NRG3: variants seen among roughly 807,000 people sequenced by gnomAD.
NRG3 encodes the protein pro-neuregulin-3, membrane-bound isoform.
Under a neutral mutation model 66.9 loss-of-function variants are expected in NRG3, and 31 were observed. The observed-to-expected ratio is 0.46, with a 90% CI of 0.35 to 0.63. The LOEUF (loss-of-function observed/expected upper bound fraction) is 0.63. NRG3 is among the 20% of genes least tolerant of loss of function. The pLI is 0.00. For synonymous variants in NRG3, 393 were observed against 359.4 expected (o/e 1.09, Z -1.06); for missense variants, 910 against 878.9 (o/e 1.04, Z -0.45).
At chr10:81,979,937 C>T (rs1344464889) in intron 1 of NRG3, among the ~76,000 whole-genome samples, 1 of 152,076 alleles carries the variant, frequency 6.6e-6, no homozygotes, top group African/African-American at 2.4e-5. Flanking sequence ...AATATAGGAA[C>T]AAAAAATCAA....
intron 3 of NRG3, among the ~76,000 whole-genome samples, chr10:82,794,736 A>G (rs2060724582): frequency 6.6e-6 from 1 of 152,226 alleles, no homozygotes; most frequent in Middle Eastern, 3.4e-3. Flanking sequence ...GGGCTTAGAG[A>G]TGAATTTTAA....
At chr10:81,999,983 A>G (rs1405217472) in intron 1 of NRG3, among the ~76,000 whole-genome samples, 1 of 152,176 alleles carries the variant, frequency 6.6e-6, no homozygotes, top group Non-Finnish European at 1.5e-5. Context: ...TCTAAATGAT[A>G]CATTTTGGGA....
intron 2 of NRG3, among the ~76,000 whole-genome samples, chr10:82,391,484 A>T (rs2086360692): frequency 6.6e-6 from 1 of 152,182 alleles, no homozygotes; most frequent in Non-Finnish European, 1.5e-5. Context: ...GTTGCAACTT[A>T]GTGAAGCTAC....
chr10:82,457,095 T>A (rs566378757), intron 2 of NRG3, among the ~76,000 whole-genome samples: 143 of 152,136 alleles, frequency 9.4e-4, no homozygotes, highest in Non-Finnish European at 1.7e-3. Context: ...AAATAAAAAC[T>A]TCCATGCATC....
Position 82,957,346 on chromosome 10 carries a change from T to C in NRG3, c.1158-1603T>C, listed in dbSNP as rs915273141. Among the ~76,000 whole-genome samples the C allele has an allele frequency of 1.2e-4, 18 of 151,892 alleles. 1 individual carries two copies. The highest frequency in any genetic ancestry group is 4.4e-4 in the African/African-American group (18 of 41,148). On this transcript the variant is annotated intron_variant, in intron 5 of 8. Coordinates refer to ENST00000372141, the MANE Select transcript of NRG3 (RefSeq NM_001010848.4). ...CCCTGTGATACAATAAGCCACGCTCTGTAGGGTGCTACTGACTGGAGAAGC... is the reference window on the plus strand; with the variant it reads ...CCCTGTGATACAATAAGCCACGCTCCGTAGGGTGCTACTGACTGGAGAAGC...
rs1265879766 is a variant in NRG3 at position 81,883,358 on chromosome 10, G to A, written c.823+7195G>A. ...AAAGTATTACTTTTTGTTGTTATAAGCTTTTATTTCTCAAGACAGGTTGGT... is the reference window on the plus strand; with the variant it reads ...AAAGTATTACTTTTTGTTGTTATAAACTTTTATTTCTCAAGACAGGTTGGT... On this transcript the variant is annotated intron_variant, in intron 1 of 8. Coordinates refer to ENST00000372141, the MANE Select transcript of NRG3 (RefSeq NM_001010848.4). Among the ~76,000 whole-genome samples the A allele has an allele frequency of 2.6e-5, 4 of 152,064 alleles. No individual in the cohort carries two copies. The East Asian group carries it at 5.8e-4, about 22-fold the overall frequency.
chr10:81,935,919 A>ACACACACACACACACACACAC (rs1192033295), intron 1 of NRG3, among the ~76,000 whole-genome samples: 3 of 146,648 alleles, frequency 2.0e-5, no homozygotes, highest in African/African-American at 7.8e-5. Flanking sequence ...ACACACACAC[A>ACACACACACACACACACACAC]CACACAGTTT....
chr10:82,036,007 A>T (rs2062775979), intron 1 of NRG3, among the ~76,000 whole-genome samples: 1 of 152,094 alleles, frequency 6.6e-6, no homozygotes, highest in Non-Finnish European at 1.5e-5. Flanking sequence ...GCTGTTTCAC[A>T]TGTGTAAATA....
chr10:82,474,624 G>A (rs1189375762), intron 2 of NRG3, among the ~76,000 whole-genome samples: 1 of 152,110 alleles, frequency 6.6e-6, no homozygotes, highest in Non-Finnish European at 1.5e-5. Context: ...GGATGTGTGG[G>A]CCATTACCAA....
intron 4 of NRG3, among the ~76,000 whole-genome samples, chr10:82,912,836 T>G (rs973491310): frequency 7.9e-5 from 12 of 152,212 alleles, no homozygotes; most frequent in African/African-American, 2.9e-4. Context: ...TCTAGATATA[T>G]TTTGTTAGTG....
intron 1 of NRG3, among the ~76,000 whole-genome samples, chr10:82,227,755 A>G (rs2076241484): frequency 6.6e-6 from 1 of 152,186 alleles, no homozygotes; most frequent in Non-Finnish European, 1.5e-5. Flanking sequence ...ACATTGTAGG[A>G]AATATTACTC....
chr10:82,566,669 T>G (rs2045426732), intron 2 of NRG3, among the ~76,000 whole-genome samples: 1 of 151,984 alleles, frequency 6.6e-6, no homozygotes, highest in South Asian at 2.1e-4. Flanking sequence ...GAAAAGACCA[T>G]GTCAGGAATA....
chr10:82,677,146 G>A lies in NRG3; in HGVS notation c.954-61431G>A, dbSNP rs79839737. 2.6e-4 allele frequency among the ~76,000 whole-genome samples: 39 copies of A among 150,630 alleles called. No homozygotes were observed. In the East Asian group the frequency reaches 4.7e-3, roughly 18 times the overall value. On this transcript the variant is annotated intron_variant, in intron 2 of 8. Transcript: ENST00000372141. ...ATGATCTCAGTTCACTACAATCTCG[G>A]GCTCAAGCTATCCTGTCACCTCAGC...
At chr10:82,214,403 A>G (rs1322847930) in intron 1 of NRG3, among the ~76,000 whole-genome samples, 1 of 152,068 alleles carries the variant, frequency 6.6e-6, no homozygotes, top group Non-Finnish European at 1.5e-5. Flanking sequence ...CAGTAGTGAG[A>G]CCACCTGATA....
At chr10:82,042,409 CA>C (rs2063086747) in intron 1 of NRG3, among the ~76,000 whole-genome samples, 1 of 151,924 alleles carries the variant, frequency 6.6e-6, no homozygotes, top group African/African-American at 2.4e-5. Context: ...TGGAAATTGT[CA>C]AAAATGTCTC....
At chr10:82,107,673 T>C (rs868374193) in intron 1 of NRG3, among the ~76,000 whole-genome samples, 1 of 152,224 alleles carries the variant, frequency 6.6e-6, no homozygotes, top group African/African-American at 2.4e-5. Context: ...ATCATTACAC[T>C]ATTGTTGCAC....
intron 1 of NRG3, among the ~76,000 whole-genome samples, chr10:82,328,002 T>G (rs140715432): frequency 6.6e-6 from 1 of 152,304 alleles, no homozygotes; most frequent in African/African-American, 2.4e-5. Context: ...TAACTTTCAT[T>G]ACCTCCTTAA....
intron 3 of NRG3, among the ~76,000 whole-genome samples, chr10:82,778,878 G>C (rs2060010732): frequency 6.6e-6 from 1 of 152,108 alleles, no homozygotes; most frequent in African/African-American, 2.4e-5. Flanking sequence ...GTAGACAGGG[G>C]TGGAGCTCAG....
intron 3 of NRG3, among the ~76,000 whole-genome samples, chr10:82,777,758 G>T (rs1486061751): frequency 6.6e-6 from 1 of 152,208 alleles, no homozygotes; most frequent in Non-Finnish European, 1.5e-5. Context: ...GTACTGTGTA[G>T]TGGTGGCTCC....
Sources: allele counts gnomAD v4.1 joint callset (sites outside exome capture counted in the v4.1 genomes callset), GRCh38; gene constraint gnomAD v4.1.1; transcripts MANE v1.5; gene names NCBI Gene and HGNC (gene_info 2026-07-23, HGNC 2026-07-21).